Variants in LRRC3B observed in about 807,000 individuals in gnomAD.
The protein encoded by LRRC3B is leucine rich repeat containing 3B, also known as leucine-rich repeat-containing protein 3B.
Under a neutral mutation model 12.8 loss-of-function variants are expected in LRRC3B, and 2 were observed. That is an observed-to-expected ratio of 0.16 (90% confidence interval 0.06 to 0.49). The LOEUF is 0.49. Among genes scored for constraint, LRRC3B ranks in the 20% least tolerant of loss-of-function variants. The probability of loss-of-function intolerance (pLI) is 0.96; values close to 1 mark genes in which losing one functional copy is unlikely to be tolerated. For synonymous variants in LRRC3B, 132 were observed against 122.0 expected (o/e 1.08, Z -0.54); for missense variants, 189 against 319.4 (o/e 0.59, Z 3.11).
chr3:26,696,193 C>T (rs1028278933), intron 1 of LRRC3B, among the ~76,000 whole-genome samples: 2 of 152,116 alleles, frequency 1.3e-5, no homozygotes, highest in Admixed American at 1.3e-4. Context: ...AATTTACAAC[C>T]CTGAAAAAGA....
At chr3:26,704,590 G>A (rs1173775482) in intron 1 of LRRC3B, among the ~76,000 whole-genome samples, 1 of 151,520 alleles carries the variant, frequency 6.6e-6, no homozygotes, top group African/African-American at 2.4e-5. Context: ...TTTAGAGACA[G>A]GGTCTTGCTA....
intron 1 of LRRC3B, among the ~76,000 whole-genome samples, chr3:26,706,219 A>C (rs1369075968): frequency 1.3e-5 from 2 of 151,970 alleles, no homozygotes; most frequent in South Asian, 4.2e-4. Flanking sequence ...TCATGACCTA[A>C]TCACTTCTCA....
At chr3:26,680,340 T>G (rs1699946152) in intron 1 of LRRC3B, among the ~76,000 whole-genome samples, 2 of 152,228 alleles carry the variant, frequency 1.3e-5, no homozygotes, top group African/African-American at 4.8e-5. Flanking sequence ...TAAGTTGTGC[T>G]TTTGGAATAT....
rs758361679 is a variant in LRRC3B at position 26,710,316 on chromosome 3, C to T, written c.644C>T (p.Thr215Ile). ...CTGGTCACCATGTTTGGCTGGTTCA[C>T]TATGGTGATCTCATATGTGGTATAT... The change falls in exon 2 of 2, where the codon ACT (threonine) becomes ATT (isoleucine). Residue 215 changes from threonine (T) to isoleucine (I), a missense_variant. Thr to Ile is a moderately conservative substitution (Grantham distance 89). Transcript: ENST00000396641. The T allele has an allele frequency of 1.2e-6, 2 of 1,614,048 alleles. No individual in the cohort carries two copies. Among genetic ancestry groups the T allele is most frequent in the Non-Finnish European group, 1.7e-6 (2 of 1,179,990 alleles).
chr3:26,642,355 G>A (rs774284077), intron 1 of LRRC3B, among the ~76,000 whole-genome samples: 2 of 152,210 alleles, frequency 1.3e-5, no homozygotes, highest in African/African-American at 4.8e-5. Flanking sequence ...GGCTCTACCA[G>A]CAAGTGGGGA....
At chr3:26,636,840 GCCTCCCTC>G (rs1301182993) in intron 1 of LRRC3B, among the ~76,000 whole-genome samples, 1 of 43,084 alleles carries the variant, frequency 2.3e-5, no homozygotes, top group Non-Finnish European at 4.3e-5. Flanking sequence ...CTCCCTCCCT[GCCTCCCTC>G]CCTCCCTCCC....
At chr3:26,708,278 C>T (rs1352207381) in intron 1 of LRRC3B, among the ~76,000 whole-genome samples, 1 of 152,210 alleles carries the variant, frequency 6.6e-6, no homozygotes, top group Non-Finnish European at 1.5e-5. Context: ...AGGGACCCCT[C>T]ACTTGAGCTC....
At chr3:26,644,964 A>G (rs1254673401) in intron 1 of LRRC3B, among the ~76,000 whole-genome samples, 1 of 152,204 alleles carries the variant, frequency 6.6e-6, no homozygotes, top group Non-Finnish European at 1.5e-5. Context: ...ATGAAAACAT[A>G]GACCTGCAGA....
At chr3:26,685,710 T>C (rs567499877) in intron 1 of LRRC3B, among the ~76,000 whole-genome samples, 2 of 151,436 alleles carry the variant, frequency 1.3e-5, no homozygotes, top group Non-Finnish European at 2.9e-5. Flanking sequence ...GTGCAGTTGA[T>C]GGAAATTTCA....
At chr3:26,684,797 CACTG>C (rs1700039952) in intron 1 of LRRC3B, among the ~76,000 whole-genome samples, 1 of 152,192 alleles carries the variant, frequency 6.6e-6, no homozygotes, top group African/African-American at 2.4e-5. Context: ...GAAACCATAG[CACTG>C]ACTTTCAATA....
intron 1 of LRRC3B, among the ~76,000 whole-genome samples, chr3:26,676,749 A>G (rs1472681868): frequency 1.3e-5 from 2 of 152,220 alleles, no homozygotes; most frequent in Non-Finnish European, 2.9e-5. Context: ...TATATACCCA[A>G]AGGATTGTAA....
chr3:26,657,250 C>T (rs1003313967), intron 1 of LRRC3B, among the ~76,000 whole-genome samples: 2 of 152,154 alleles, frequency 1.3e-5, no homozygotes, highest in African/African-American at 4.8e-5. Flanking sequence ...GAAATAGATG[C>T]TCACTCTCAA....
chr3:26,709,741 T>C, exon 2 of LRRC3B: 3 of 1,614,158 alleles, frequency 1.9e-6, no homozygotes, highest in Non-Finnish European at 2.5e-6. Flanking sequence ...GTTTTGTTCT[T>C]ATGATACTGT....
intron 1 of LRRC3B, among the ~76,000 whole-genome samples, chr3:26,671,236 C>T (rs1400207564): frequency 2.5e-4 from 36 of 144,756 alleles, no homozygotes; most frequent in Admixed American, 6.9e-5. Context: ...GGGATGGTCT[C>T]GATCTCCTGA....
intron 1 of LRRC3B, among the ~76,000 whole-genome samples, chr3:26,643,955 G>A (rs1013367546): frequency 2.6e-5 from 4 of 152,142 alleles, no homozygotes; most frequent in Non-Finnish European, 5.9e-5. Flanking sequence ...ACACATATAC[G>A]CACAAAGAGC....
intron 1 of LRRC3B, among the ~76,000 whole-genome samples, chr3:26,670,618 G>T (rs1699700196): frequency 6.6e-6 from 1 of 152,206 alleles, no homozygotes; most frequent in Non-Finnish European, 1.5e-5. Context: ...TAAGCTGGAG[G>T]CAAAGAAACA....
chr3:26,678,511 AAAGT>A (rs1296402772), intron 1 of LRRC3B, among the ~76,000 whole-genome samples: 1 of 152,094 alleles, frequency 6.6e-6, no homozygotes, highest in African/African-American at 2.4e-5. Flanking sequence ...GAAAAAAAAA[AAAGT>A]AGTAGGATTC....
chr3:26,705,473 C>T (rs767572711), intron 1 of LRRC3B, among the ~76,000 whole-genome samples: 16 of 151,906 alleles, frequency 1.1e-4, no homozygotes, highest in South Asian at 4.1e-4. Context: ...TAACTTGGTC[C>T]GTCCCTTTAA....
rs929639520 is a variant in LRRC3B at position 26,628,229 on chromosome 3, A to G, written c.-161+4992A>G. On this transcript the variant is annotated intron_variant, in intron 1 of 1. Coordinates refer to ENST00000396641, the Ensembl canonical transcript of LRRC3B. ...AGCAATATGCTCTAAGACAAAGGAT[A>G]TGGAAAAATAAAAACTTTTATTCAG... is the stretch of plus-strand genomic sequence containing the variant. Among the ~76,000 whole-genome samples, 4 of 152,306 alleles carry G rather than the reference A, an allele frequency of 2.6e-5. No homozygotes were observed. In the East Asian group the frequency reaches 7.7e-4, roughly 29 times the overall value.
Sources: gnomAD v4.1 joint callset for allele counts (sites outside exome capture counted in the v4.1 genomes callset) on GRCh38, gnomAD v4.1.1 for gene constraint, MANE v1.5 for transcripts, NCBI Gene and HGNC (gene_info 2026-07-23, HGNC 2026-07-21) for gene names.